The following WIPF2 variants were observed in gnomAD, a reference collection of about 807,000 sequenced individuals.
WIPF2 encodes the protein WAS/WASL interacting protein family member 2.
In WIPF2, 23 loss-of-function variants were observed where a neutral mutation model predicts 38.8. That is an observed-to-expected ratio of 0.59 (90% CI 0.43 to 0.84). The LOEUF is 0.84. Ranked by LOEUF, WIPF2 falls within the 40% of genes least tolerant of loss-of-function variation. The probability of loss-of-function intolerance (pLI) is 0.00; values close to 1 mark genes in which losing one functional copy is unlikely to be tolerated. For missense variants in WIPF2, 574 were observed against 580.5 expected (o/e 0.99, Z 0.11); for synonymous variants, 210 against 223.2 (o/e 0.94, Z 0.53).
rs1332708170 is a variant in WIPF2 at position 40,282,008 on chromosome 17, G to A, written c.*3783G>A. 1 of 151,446 alleles carries A rather than the reference G, an allele frequency of 6.6e-6. No individual in the cohort carries two copies. Among genetic ancestry groups the A allele is most frequent in the Non-Finnish European group, 1.5e-5 (1 of 67,938 alleles). 9.4% of individuals were successfully genotyped at this position (151,446 alleles called of 1,614,324 possible). A position where few individuals can be genotyped will look rare whatever the true frequency, so the allele number is the denominator to read the frequency against. On this transcript the variant is annotated 3_prime_UTR_variant, in exon 8 of 8. Coordinates refer to ENST00000323571, the MANE Select transcript of WIPF2 (RefSeq NM_133264.5). Reference sequence around the variant, plus strand: ...CTTTCTGTTAAGCTACCCTAATTTCGGGAATGGGAGGGGAGAGAGGAGGGC... The same window carrying A: ...CTTTCTGTTAAGCTACCCTAATTTCAGGAATGGGAGGGGAGAGAGGAGGGC...
chr17:40,231,518 C>T (rs1405108544), intron 1 of WIPF2, among the ~76,000 whole-genome samples: 2 of 151,512 alleles, frequency 1.3e-5, no homozygotes, highest in East Asian at 1.9e-4. Context: ...ATCTGCCTCC[C>T]GGGTTCAAGC....
chr17:40,278,371 C>G lies in WIPF2; in HGVS notation c.*146C>G. Reference sequence around the variant, plus strand: ...CCCTAGACTCCAAATGTCCTCCCAGCTCACCTCCATCTATGCATCTCATCT... The same window carrying G: ...CCCTAGACTCCAAATGTCCTCCCAGGTCACCTCCATCTATGCATCTCATCT... On this transcript the variant is annotated 3_prime_UTR_variant, in exon 8 of 8. Coordinates refer to ENST00000323571, the MANE Select transcript of WIPF2 (RefSeq NM_133264.5). 1.1e-6 allele frequency: 1 copy of G among 892,568 alleles called. No individual in the cohort carries two copies. The highest frequency in any genetic ancestry group is 1.7e-6 in the Non-Finnish European group (1 of 577,970). 55.3% of individuals were successfully genotyped at this position (892,568 alleles called of 1,614,324 possible). A position where few individuals can be genotyped will look rare whatever the true frequency, so the allele number is the denominator to read the frequency against.
chr17:40,227,087 G>C lies in WIPF2; in HGVS notation c.-70+7595G>C, dbSNP rs191850830. Among the ~76,000 whole-genome samples, 298 of 152,008 alleles carry C rather than the reference G, an allele frequency of 2.0e-3. 2 individuals are homozygous for C. Among genetic ancestry groups the C allele is most frequent in the East Asian group, 0.01 (53 of 5,158 alleles). On this transcript the variant is annotated intron_variant, in intron 1 of 7. Coordinates refer to ENST00000323571, the MANE Select transcript of WIPF2 (RefSeq NM_133264.5). ...GACAGAGTTTCACTGTGTCAGCCAG[G>C]CTGGAGTGGAGTGGCAAGATCTGGG... is the stretch of plus-strand genomic sequence containing the variant.
chr17:40,277,550 A>G lies in WIPF2; in HGVS notation c.1282+366A>G, dbSNP rs866963497. Among the ~76,000 whole-genome samples the G allele has an allele frequency of 2.0e-5, 3 of 150,692 alleles. No individual in the cohort carries two copies. The South Asian group carries it at 6.6e-4, about 33-fold the overall frequency. On this transcript the variant is annotated intron_variant, in intron 7 of 7. Transcript: ENST00000323571. ...CAAAAGATTAGCTGGGCGTGGTGGCACACACCTGTAGTCCCAGCTACTCGG... is the reference window on the plus strand; with the variant it reads ...CAAAAGATTAGCTGGGCGTGGTGGCGCACACCTGTAGTCCCAGCTACTCGG...
chr17:40,228,876 A>G (rs995478948), intron 1 of WIPF2, among the ~76,000 whole-genome samples: 1 of 151,702 alleles, frequency 6.6e-6, no homozygotes, highest in African/African-American at 2.4e-5. Flanking sequence ...TCGAAGTGCC[A>G]TAATTACAGG....
At chr17:40,239,090 G>A (rs199505989) in intron 1 of WIPF2, among the ~76,000 whole-genome samples, 8 of 103,988 alleles carry the variant, frequency 7.7e-5, no homozygotes, top group Admixed American at 1.0e-4. Flanking sequence ...TTATTTATTT[G>A]AGACGGAGTC....
At chr17:40,260,450 G>A in intron 2 of WIPF2, 85 bp from the exon 3 acceptor site, 1 of 1,515,660 alleles carries the variant, frequency 6.6e-7, no homozygotes. Context: ...GCCTCCCAAA[G>A]TGTTGGGATT....
At chr17:40,246,545 C>T (rs1340577359) in intron 1 of WIPF2, among the ~76,000 whole-genome samples, 3 of 151,682 alleles carry the variant, frequency 2.0e-5, no homozygotes, top group African/African-American at 7.3e-5. Flanking sequence ...ATAACAGGCA[C>T]CTGACACCAC....
intron 1 of WIPF2, among the ~76,000 whole-genome samples, chr17:40,235,034 T>G (rs182083326): frequency 3.9e-4 from 59 of 152,180 alleles, no homozygotes; most frequent in Admixed American, 2.0e-3. Context: ...TTCTCCTGCC[T>G]CAGCCTCCCT....
chr17:40,257,810 AG>A (rs1005117089), intron 2 of WIPF2, among the ~76,000 whole-genome samples: 23 of 151,960 alleles, frequency 1.5e-4, no homozygotes, highest in African/African-American at 5.5e-4. Flanking sequence ...AAAATTTGGA[AG>A]TAAAAGTGAC....
chr17:40,226,891 G>A (rs944169361), intron 1 of WIPF2, among the ~76,000 whole-genome samples: 3 of 151,770 alleles, frequency 2.0e-5, no homozygotes, highest in Non-Finnish European at 2.9e-5. Context: ...ACAGGTGCAC[G>A]CCACCATGCC....
intron 1 of WIPF2, among the ~76,000 whole-genome samples, chr17:40,234,332 G>A (rs2030869498): frequency 1.3e-5 from 2 of 152,328 alleles, no homozygotes; most frequent in Admixed American, 6.5e-5. Context: ...GGGAGGCTGA[G>A]GCAGAAGAAT....
At position 40,270,882 on chromosome 17, in the gene WIPF2, T is replaced by TTGTGTGTGTGTGTGTGTG. The variant is rs373553389; in HGVS notation, c.971-2906_971-2889dup. ...CATTTATTGGGCTTATTGTGCCAGATTGTGTGTGTGTGTGTGTGTATGTTA... is the reference window on the plus strand; with the variant it reads ...CATTTATTGGGCTTATTGTGCCAGATTGTGTGTGTGTGTGTGTGTGTGTGTGTGTGTGTGTGTATGTTA... On this transcript the variant is annotated intron_variant, in intron 5 of 7. Transcript: ENST00000323571. Among the ~76,000 whole-genome samples the TTGTGTGTGTGTGTGTGTG allele has an allele frequency of 6.7e-3, 1,010 of 150,464 alleles. 6 individuals carry two copies. The highest frequency in any genetic ancestry group is 0.026 in the East Asian group (131 of 5,132).
At chr17:40,226,509 C>G (rs909819157) in intron 1 of WIPF2, among the ~76,000 whole-genome samples, 1 of 151,944 alleles carries the variant, frequency 6.6e-6, no homozygotes, top group African/African-American at 2.4e-5. Context: ...GCCACTGTGC[C>G]CGGCCTTTGG....
intron 1 of WIPF2, among the ~76,000 whole-genome samples, chr17:40,236,449 T>C (rs1476090563): frequency 2.7e-5 from 4 of 149,532 alleles, no homozygotes; most frequent in Non-Finnish European, 5.9e-5. Context: ...GCGATTCTTT[T>C]GCCTCAGCCT....
intron 1 of WIPF2, among the ~76,000 whole-genome samples, chr17:40,245,250 G>C: frequency 8.6e-6 from 1 of 116,096 alleles, no homozygotes; most frequent in East Asian, 3.9e-4. Flanking sequence ...TCTTACACTA[G>C]AATGTAAGCT....
chr17:40,251,272 G>A (rs1427297286), intron 1 of WIPF2, among the ~76,000 whole-genome samples: 1 of 151,686 alleles, frequency 6.6e-6, no homozygotes, highest in Non-Finnish European at 1.5e-5. Flanking sequence ...TTTGTCCTTT[G>A]ATTAATCACA....
intron 1 of WIPF2, 69 bp from the exon 2 acceptor site, chr17:40,256,322 C>G (rs1343712839): frequency 1.6e-6 from 2 of 1,288,660 alleles, no homozygotes; most frequent in Non-Finnish European, 1.1e-6. Context: ...ATGCCCAGTT[C>G]TCTCATTCTC....
chr17:40,248,652 G>A (rs1222254177), intron 1 of WIPF2, among the ~76,000 whole-genome samples: 1 of 152,178 alleles, frequency 6.6e-6, no homozygotes, highest in Non-Finnish European at 1.5e-5. Context: ...CTGTTAGAGA[G>A]ATTTCATTTG....
Sources: allele counts gnomAD v4.1 joint callset (sites outside exome capture counted in the v4.1 genomes callset), GRCh38; gene constraint gnomAD v4.1.1; transcripts MANE v1.5; gene names NCBI Gene and HGNC (gene_info 2026-07-23, HGNC 2026-07-21).